Variants in TNKS observed in about 807,000 individuals in gnomAD.
The protein encoded by TNKS is poly [ADP-ribose] polymerase tankyrase-1.
A neutral mutation model predicts 135.8 loss-of-function variants in TNKS; 72 were observed. The observed-to-expected ratio is 0.53, with a 90% CI of 0.44 to 0.64. The LOEUF (loss-of-function observed/expected upper bound fraction) is 0.64. TNKS is among the 30% of genes least tolerant of loss of function. The probability of loss-of-function intolerance (pLI) is 0.00; values close to 1 mark genes in which losing one functional copy is unlikely to be tolerated. For synonymous variants in TNKS, 849 were observed against 649.3 expected, an observed-to-expected ratio of 1.31 and a Z score of -4.68; for missense variants, 1,769 against 1,674.0, an observed-to-expected ratio of 1.06 and a Z score of -0.99.
intron 22 of TNKS, among the ~76,000 whole-genome samples, chr8:9,763,770 A>G (rs1192376492): frequency 6.6e-6 from 1 of 152,190 alleles, no homozygotes; most frequent in African/African-American, 2.4e-5. Flanking sequence ...GTCAGATGCC[A>G]GTGAGACTCC....
intron 3 of TNKS, among the ~76,000 whole-genome samples, chr8:9,645,117 A>G (rs994155731): frequency 3.3e-5 from 5 of 152,094 alleles, no homozygotes; most frequent in African/African-American, 1.2e-4. Flanking sequence ...GACAGGCGTA[A>G]GTCACCTACC....
chr8:9,616,378 T>A (rs1022959736), intron 3 of TNKS, among the ~76,000 whole-genome samples: 11 of 152,198 alleles, frequency 7.2e-5, no homozygotes, highest in African/African-American at 2.7e-4. Flanking sequence ...TCTATTTTTG[T>A]TTTTATTCTT....
At chr8:9,673,802 A>G (rs1427451957) in intron 3 of TNKS, among the ~76,000 whole-genome samples, 1 of 152,134 alleles carries the variant, frequency 6.6e-6, no homozygotes. Context: ...GTTTTCCTAA[A>G]GAATTGGAAA....
intron 5 of TNKS, among the ~76,000 whole-genome samples, chr8:9,700,666 C>G (rs1803755080): frequency 6.6e-6 from 1 of 151,474 alleles, no homozygotes; most frequent in South Asian, 2.1e-4. Context: ...GGAAACTACT[C>G]TATCTCTCAC....
chr8:9,653,364 A>G (rs544065376), intron 3 of TNKS, among the ~76,000 whole-genome samples: 11 of 152,118 alleles, frequency 7.2e-5, no homozygotes, highest in African/African-American at 1.7e-4. Context: ...TCTGCCTTCT[A>G]TTGCTATAAG....
chr8:9,559,581 G>C (rs1449463905), intron 1 of TNKS, among the ~76,000 whole-genome samples: 1 of 139,926 alleles, frequency 7.1e-6, no homozygotes, highest in South Asian at 2.3e-4. Flanking sequence ...GTAGTTTTTT[G>C]ATTTTCAGCC....
chr8:9,575,314 T>A, intron 1 of TNKS: 1 of 811,626 alleles, frequency 1.2e-6, no homozygotes, highest in Non-Finnish European at 1.5e-6. Flanking sequence ...CTCGATTTCC[T>A]GACCTCGTGA....
At position 9,766,257 on chromosome 8, in the gene TNKS, C is replaced by A. The variant is rs759320048; in HGVS notation, c.3572C>A (p.Ala1191Asp). The A allele has an allele frequency of 6.2e-7, 1 of 1,605,988 alleles. No individual in the cohort carries two copies. Among genetic ancestry groups the A allele is most frequent in the Non-Finnish European group, 8.5e-7 (1 of 1,175,746 alleles). ...MLFHGSPFINAIIHKGFDERH... is the reference protein window; with the variant it reads ...MLFHGSPFINDIIHKGFDERH... Reference sequence around the variant, plus strand: ...TTTCTAGGTTCTCCTTTCATTAATGCCATTATTCATAAAGGGTTTGATGAG... The same window carrying A: ...TTTCTAGGTTCTCCTTTCATTAATGACATTATTCATAAAGGGTTTGATGAG... The change falls in exon 25 of 27, where the codon GCC (alanine) becomes GAC (aspartate). Residue 1191 changes from alanine (A) to aspartate (D), a missense_variant. This residue lies in a region of TNKS where 722 missense variants were observed against 688.9 expected (regional missense o/e 1.05). Transcript: ENST00000310430.
intron 2 of TNKS, among the ~76,000 whole-genome samples, chr8:9,613,203 A>G (rs1243365965): frequency 6.6e-6 from 1 of 152,194 alleles, no homozygotes; most frequent in South Asian, 2.1e-4. Flanking sequence ...TATCAGGCCT[A>G]CTACAGAAAG....
In TNKS at chr8:9,708,389, C is replaced by G. The variant is rs79587922; in HGVS notation, c.1475C>G (p.Ser492Cys). Residue 492 changes from serine to cysteine, a missense_variant, in exon 9 of 27, where the codon TCT (serine) becomes TGT (cysteine). By Grantham distance (112) the Ser-to-Cys change is moderately radical. Around this residue, in one of 5 missense-constraint regions of TNKS, gnomAD observed 523 missense variants for 541.0 expected, o/e 0.97. Transcript: ENST00000310430. ...ERLTYEFKGHSLLQAAREADL... is the reference protein window; with the variant it reads ...ERLTYEFKGHCLLQAAREADL... Reference sequence around the variant, plus strand: ...TTGACAGATGAATTTAAAGGTCATTCTTTACTACAAGCAGCCAGAGAAGCA... The same window carrying G: ...TTGACAGATGAATTTAAAGGTCATTGTTTACTACAAGCAGCCAGAGAAGCA... 1.9e-6 allele frequency: 3 copies of G among 1,604,982 alleles called. No homozygotes were observed. The highest frequency in any genetic ancestry group is 4.5e-5 in the East Asian group (2 of 44,548).
intron 5 of TNKS, among the ~76,000 whole-genome samples, chr8:9,686,919 C>CT (rs199731519): frequency 0.02 from 2,990 of 152,196 alleles, 59 homozygotes; most frequent in African/African-American, 0.054. Flanking sequence ...CCTTTCGACT[C>CT]TAACATTTCA....
chr8:9,560,887 G>A (rs1797301960), intron 1 of TNKS, among the ~76,000 whole-genome samples: 1 of 151,918 alleles, frequency 6.6e-6, no homozygotes, highest in African/African-American at 2.4e-5. Flanking sequence ...AGAACTTTTA[G>A]TTAGAAAGAT....
intron 1 of TNKS, among the ~76,000 whole-genome samples, chr8:9,561,138 A>C (rs1009050393): frequency 6.6e-6 from 1 of 152,218 alleles, no homozygotes; most frequent in African/African-American, 2.4e-5. Flanking sequence ...TTTTTATTAA[A>C]GCATGTGAGT....
In TNKS at chr8:9,568,873, C is replaced by G. The variant is rs1417021645; in HGVS notation, c.674-11286C>G. Among the ~76,000 whole-genome samples the G allele has an allele frequency of 2.6e-5, 4 of 152,124 alleles. No homozygotes were observed. The South Asian group carries it at 8.3e-4, about 31-fold the overall frequency. ...GTTAGTTGCAACGTAGAATCTGAAGCCAAATCAGTGAATTTTTTTATACTT... is the reference window on the plus strand; with the variant it reads ...GTTAGTTGCAACGTAGAATCTGAAGGCAAATCAGTGAATTTTTTTATACTT... On this transcript the variant is annotated intron_variant, in intron 1 of 26. Coordinates refer to ENST00000310430, the MANE Select transcript of TNKS (RefSeq NM_003747.3).
At chr8:9,636,935 G>C (rs562295857) in intron 3 of TNKS, among the ~76,000 whole-genome samples, 1 of 152,236 alleles carries the variant, frequency 6.6e-6, no homozygotes, top group South Asian at 2.1e-4. Context: ...GTAATTTAGA[G>C]TACCTTAATA....
chr8:9,566,775 A>T (rs1036722188), intron 1 of TNKS, among the ~76,000 whole-genome samples: 1 of 150,296 alleles, frequency 6.7e-6, no homozygotes, highest in Admixed American at 6.7e-5. Context: ...CGCCCGGCTA[A>T]TTTTTTGTAT....
intron 11 of TNKS, among the ~76,000 whole-genome samples, chr8:9,715,990 T>C (rs1386503640): frequency 6.6e-6 from 1 of 152,196 alleles, no homozygotes. Context: ...CCCAACTGCA[T>C]ATGGTATTCA....
intron 3 of TNKS, among the ~76,000 whole-genome samples, chr8:9,649,175 C>G (rs1801037114): frequency 1.3e-5 from 2 of 152,146 alleles, no homozygotes; most frequent in South Asian, 4.1e-4. Flanking sequence ...TGTTTCTTAT[C>G]CCTGAAAGCA....
chr8:9,688,441 A>G (rs371972485), intron 5 of TNKS, among the ~76,000 whole-genome samples: 9 of 152,250 alleles, frequency 5.9e-5, no homozygotes, highest in African/African-American at 1.9e-4. Context: ...TGGCCACAAT[A>G]TAAAACCAAT....
Sources: gnomAD v4.1 joint callset for allele counts (sites outside exome capture counted in the v4.1 genomes callset) on GRCh38, gnomAD v4.1.1 for gene constraint, gnomAD v4.1.1 regional missense constraint, MANE v1.5 for transcripts, NCBI Gene and HGNC (gene_info 2026-07-23, HGNC 2026-07-21) for gene names.